Variants in STXBP5L observed in about 807,000 individuals in gnomAD.
STXBP5L encodes the protein syntaxin-binding protein 5-like.
STXBP5L carries 65 observed loss-of-function variants against 144.5 expected under a neutral mutation model. The ratio of observed to expected loss-of-function variants is 0.45; its 90% CI spans 0.37 to 0.55. The LOEUF (loss-of-function observed/expected upper bound fraction) is 0.55, where lower values mean the gene tolerates loss of function less well. Among genes scored for constraint, STXBP5L ranks in the 20% least tolerant of loss-of-function variants. STXBP5L has a pLI of 0.00. For synonymous variants in STXBP5L, 505 were observed against 469.6 expected (o/e 1.08, Z -0.97); for missense variants, 1,298 against 1,405.5 (o/e 0.92, Z 1.22).
intron 6 of STXBP5L, among the ~76,000 whole-genome samples, chr3:121,119,912 G>T (rs1468598532): frequency 6.6e-6 from 1 of 151,198 alleles, no homozygotes; most frequent in Admixed American, 6.6e-5. Context: ...TTCAGAAGTA[G>T]AATATTCTAT....
chr3:121,285,707 T>C (rs2051208999), intron 19 of STXBP5L, among the ~76,000 whole-genome samples: 1 of 152,136 alleles, frequency 6.6e-6, no homozygotes, highest in Non-Finnish European at 1.5e-5. Context: ...TACATTGTTT[T>C]ACCTTTTCCA....
At chr3:121,388,118 A>G (rs1426166410) in intron 22 of STXBP5L, among the ~76,000 whole-genome samples, 2 of 152,162 alleles carry the variant, frequency 1.3e-5, no homozygotes, top group Admixed American at 1.3e-4. Flanking sequence ...GGTCCTTCAC[A>G]TCCCTTGTAA....
chr3:121,405,047 G>C (rs137953384), intron 22 of STXBP5L, among the ~76,000 whole-genome samples: 1 of 152,178 alleles, frequency 6.6e-6, no homozygotes, highest in East Asian at 1.9e-4. Flanking sequence ...CATAGGGAGG[G>C]GGAGAGAGAG....
chr3:121,215,987 T>G (rs903428068), intron 10 of STXBP5L, among the ~76,000 whole-genome samples: 1 of 152,220 alleles, frequency 6.6e-6, no homozygotes, highest in Non-Finnish European at 1.5e-5. Flanking sequence ...CTTTCACTTA[T>G]CAATTTGGCT....
At chr3:121,405,121 C>A (rs533591633) in intron 22 of STXBP5L, among the ~76,000 whole-genome samples, 83 of 152,158 alleles carry the variant, frequency 5.5e-4, no homozygotes, top group Middle Eastern at 3.4e-3. Context: ...TAGAGCCATA[C>A]CCTTATGATC....
At chr3:121,387,395 G>A (rs1333227935) in intron 22 of STXBP5L, among the ~76,000 whole-genome samples, 1 of 152,178 alleles carries the variant, frequency 6.6e-6, no homozygotes, top group Non-Finnish European at 1.5e-5. Flanking sequence ...CCGGACAGAA[G>A]GTCTTTAGTT....
chr3:121,347,397 G>T (rs546328451), intron 20 of STXBP5L, among the ~76,000 whole-genome samples: 7 of 152,302 alleles, frequency 4.6e-5, no homozygotes, highest in African/African-American at 1.7e-4. Context: ...GATGCCTCCA[G>T]CTTTGTTCTC....
At chr3:121,255,489 T>G (rs2050175072) in intron 16 of STXBP5L, among the ~76,000 whole-genome samples, 1 of 152,036 alleles carries the variant, frequency 6.6e-6, no homozygotes, top group Non-Finnish European at 1.5e-5. Context: ...ATGTATATAT[T>G]GTGGAATATA....
At chr3:121,172,968 G>C (rs1214282159) in intron 9 of STXBP5L, among the ~76,000 whole-genome samples, 2 of 151,982 alleles carry the variant, frequency 1.3e-5, no homozygotes, top group South Asian at 2.1e-4. Flanking sequence ...AAGAAACTGT[G>C]GCACATACAC....
At chr3:121,226,994 T>C (rs558140272) in intron 11 of STXBP5L, among the ~76,000 whole-genome samples, 2 of 152,318 alleles carry the variant, frequency 1.3e-5, no homozygotes, top group Admixed American at 6.5e-5. Flanking sequence ...TTTCAGTTCA[T>C]ACCTTGGTAA....
At chr3:121,332,300 A>G (rs1382426186) in intron 20 of STXBP5L, among the ~76,000 whole-genome samples, 1 of 151,638 alleles carries the variant, frequency 6.6e-6, no homozygotes, top group Non-Finnish European at 1.5e-5. Flanking sequence ...TTGATTATTA[A>G]GTTACTTCAG....
intron 3 of STXBP5L, among the ~76,000 whole-genome samples, chr3:121,033,575 A>AC (rs983798043): frequency 1.3e-5 from 2 of 148,514 alleles, no homozygotes; most frequent in Admixed American, 6.7e-5. Flanking sequence ...GTACAATTAA[A>AC]AAAAAAAAAA....
intron 3 of STXBP5L, among the ~76,000 whole-genome samples, chr3:120,997,770 C>T (rs1943465549): frequency 6.6e-6 from 1 of 151,786 alleles, no homozygotes; most frequent in South Asian, 2.1e-4. Flanking sequence ...TGTAGAGAGG[C>T]AATGAAAAAA....
intron 3 of STXBP5L, among the ~76,000 whole-genome samples, chr3:120,975,469 A>G (rs556516940): frequency 2.8e-4 from 43 of 152,220 alleles, no homozygotes; most frequent in African/African-American, 9.4e-4. Flanking sequence ...TTTCTAGATA[A>G]CAATTCATGT....
At chr3:121,018,665 G>T (rs755477864) in intron 3 of STXBP5L, among the ~76,000 whole-genome samples, 2 of 152,066 alleles carry the variant, frequency 1.3e-5, no homozygotes, top group Non-Finnish European at 2.9e-5. Flanking sequence ...AGGTGATGTG[G>T]CTTTTGTAAT....
At chr3:121,092,548 T>G (rs1424540498) in intron 5 of STXBP5L, among the ~76,000 whole-genome samples, 1 of 152,204 alleles carries the variant, frequency 6.6e-6, no homozygotes, top group East Asian at 1.9e-4. Context: ...GAATGGGAGT[T>G]CATTCATGAT....
At chr3:121,017,609 A>G (rs1560007228) in intron 3 of STXBP5L, among the ~76,000 whole-genome samples, 1 of 152,272 alleles carries the variant, frequency 6.6e-6, no homozygotes, top group Non-Finnish European at 1.5e-5. Context: ...TGAGGTTAAT[A>G]TATGTAAGTC....
At chr3:121,406,104 A>T (rs546947618) in intron 22 of STXBP5L, among the ~76,000 whole-genome samples, 1 of 152,146 alleles carries the variant, frequency 6.6e-6, no homozygotes, top group East Asian at 1.9e-4. Context: ...TTTTTCCTTC[A>T]TGGGAGATTG....
chr3:120,972,406 A>G (rs2686651), intron 3 of STXBP5L, among the ~76,000 whole-genome samples: 1 of 151,878 alleles, frequency 6.6e-6, no homozygotes, highest in African/African-American at 2.4e-5. Context: ...TTTGATTTTT[A>G]TACAATGATT....
Sources: gnomAD v4.1 joint callset for allele counts (sites outside exome capture counted in the v4.1 genomes callset) on GRCh38, gnomAD v4.1.1 for gene constraint, MANE v1.5 for transcripts, NCBI Gene and HGNC (gene_info 2026-07-23, HGNC 2026-07-21) for gene names.